Variants in LAPTM4B observed in about 807,000 individuals in gnomAD.
LAPTM4B encodes the protein lysosomal-associated transmembrane protein 4B.
LAPTM4B carries 26 observed loss-of-function variants against 28.5 expected under a neutral mutation model. The observed-to-expected ratio is 0.91, with a 90% CI of 0.67 to 1.27. The LOEUF (loss-of-function observed/expected upper bound fraction) is 1.27. Ranked by LOEUF, LAPTM4B falls within the 50% of genes most tolerant of loss-of-function variation. The pLI, the probability that LAPTM4B is intolerant of heterozygous loss-of-function variation, is 0.00. For synonymous variants in LAPTM4B, 109 were observed against 106.4 expected (o/e 1.02, Z -0.15); for missense variants, 288 against 285.8 (o/e 1.01, Z -0.06).
chr8:97,801,562 A>G (rs1816679700), intron 1 of LAPTM4B, among the ~76,000 whole-genome samples: 1 of 152,154 alleles, frequency 6.6e-6, no homozygotes, highest in African/African-American at 2.4e-5. Context: ...CTCAAAAATA[A>G]GAGTATAGAA....
chr8:97,819,756 A>G (rs1335279297), intron 5 of LAPTM4B, among the ~76,000 whole-genome samples: 2 of 100,326 alleles, frequency 2.0e-5, no homozygotes, highest in African/African-American at 8.0e-5. Flanking sequence ...TTTTTTTGAG[A>G]TGGAGTCTCG....
At chr8:97,784,133 C>G (rs1054650387) in intron 1 of LAPTM4B, among the ~76,000 whole-genome samples, 13 of 152,176 alleles carry the variant, frequency 8.5e-5, no homozygotes, top group Middle Eastern at 3.4e-3. Flanking sequence ...CACATTTGTT[C>G]TTATTTAGAC....
chr8:97,805,582 C>G, intron 2 of LAPTM4B, 118 bp downstream of exon 2: 1 of 673,880 alleles, frequency 1.5e-6, no homozygotes, highest in Non-Finnish European at 2.7e-6. Context: ...CTTGTCATTG[C>G]AAATCAACGA....
chr8:97,805,485 T>A, intron 2 of LAPTM4B, 21 bp downstream of exon 2: 1 of 1,318,172 alleles, frequency 7.6e-7, no homozygotes, highest in Non-Finnish European at 1.1e-6. Flanking sequence ...GATATTTGGG[T>A]ATTTTCAAGG....
At chr8:97,820,217 G>A (rs1294564114) in intron 5 of LAPTM4B, among the ~76,000 whole-genome samples, 1 of 150,904 alleles carries the variant, frequency 6.6e-6, no homozygotes, top group African/African-American at 2.4e-5. Flanking sequence ...ATTATAACTT[G>A]TGCTTATGAG....
chr8:97,794,556 T>G (rs1445328094), intron 1 of LAPTM4B, among the ~76,000 whole-genome samples: 2 of 151,894 alleles, frequency 1.3e-5, no homozygotes, highest in African/African-American at 2.4e-5. Context: ...ATTTACCATA[T>G]TTATTTGAAT....
chr8:97,787,378 C>T (rs1192819244), intron 1 of LAPTM4B, among the ~76,000 whole-genome samples: 1 of 151,408 alleles, frequency 6.6e-6, no homozygotes, highest in East Asian at 1.9e-4. Context: ...CTCCGCCTCC[C>T]AGGTTCACGC....
intron 6 of LAPTM4B, among the ~76,000 whole-genome samples, chr8:97,844,913 T>G (rs1351633184): frequency 1.3e-5 from 2 of 152,222 alleles, no homozygotes; most frequent in Non-Finnish European, 2.9e-5. Context: ...ATTTTTAAAA[T>G]GTTGCTTTTA....
chr8:97,807,253 C>T (rs987350164), intron 2 of LAPTM4B, among the ~76,000 whole-genome samples: 1 of 152,094 alleles, frequency 6.6e-6, no homozygotes, highest in Non-Finnish European at 1.5e-5. Flanking sequence ...GACTTTATAA[C>T]CACATGATTT....
At chr8:97,790,667 A>G (rs1360959846) in intron 1 of LAPTM4B, among the ~76,000 whole-genome samples, 1 of 151,930 alleles carries the variant, frequency 6.6e-6, no homozygotes, top group Non-Finnish European at 1.5e-5. Flanking sequence ...GGTAGTCTCA[A>G]ACTCCTGATC....
intron 2 of LAPTM4B, among the ~76,000 whole-genome samples, chr8:97,811,242 A>G (rs1014512163): frequency 6.6e-6 from 1 of 152,184 alleles, no homozygotes; most frequent in Admixed American, 6.5e-5. Context: ...ACTCCTTGAT[A>G]TACGTACACT....
chr8:97,839,215 A>G (rs1404415691), intron 6 of LAPTM4B, among the ~76,000 whole-genome samples: 1 of 152,016 alleles, frequency 6.6e-6, no homozygotes, highest in Non-Finnish European at 1.5e-5. Flanking sequence ...TTTTGGTGAG[A>G]TGGAGTTTTA....
At chr8:97,798,645 A>T (rs999280079) in intron 1 of LAPTM4B, among the ~76,000 whole-genome samples, 3 of 152,104 alleles carry the variant, frequency 2.0e-5, no homozygotes, top group African/African-American at 7.2e-5. Flanking sequence ...TTTAGGACCC[A>T]GGACCCACTC....
chr8:97,792,333 A>G (rs1268342101), intron 1 of LAPTM4B, among the ~76,000 whole-genome samples: 1 of 151,958 alleles, frequency 6.6e-6, no homozygotes, highest in African/African-American at 2.4e-5. Context: ...TCCACTCACT[A>G]CATCCTTGAC....
chr8:97,791,107 G>T (rs912168451), intron 1 of LAPTM4B, among the ~76,000 whole-genome samples: 4 of 151,976 alleles, frequency 2.6e-5, no homozygotes, highest in Admixed American at 2.0e-4. Context: ...GGTCTTGCTT[G>T]TTTGCCCAGT....
At chr8:97,795,617 C>A (rs1044582138) in intron 1 of LAPTM4B, among the ~76,000 whole-genome samples, 9 of 151,982 alleles carry the variant, frequency 5.9e-5, no homozygotes, top group Non-Finnish European at 1.2e-4. Flanking sequence ...TCTTGGGGGG[C>A]TGAGGTGGGT....
At chr8:97,829,976 T>C (rs2513963) in intron 6 of LAPTM4B, among the ~76,000 whole-genome samples, 71,431 of 151,926 alleles carry the variant, frequency 0.47, 17,067 homozygotes, top group East Asian at 0.57. Flanking sequence ...ATTACAGGCA[T>C]GAGCCACCGC....
intron 1 of LAPTM4B, among the ~76,000 whole-genome samples, chr8:97,781,937 A>G (rs1282432989): frequency 6.6e-6 from 1 of 151,134 alleles, no homozygotes; most frequent in Non-Finnish European, 1.5e-5. Flanking sequence ...TGGGGCTATT[A>G]TAAATAAAGC....
intron 1 of LAPTM4B, among the ~76,000 whole-genome samples, chr8:97,794,629 G>A (rs1816552874): frequency 6.6e-6 from 1 of 152,186 alleles, no homozygotes; most frequent in Non-Finnish European, 1.5e-5. Context: ...GTGAGAGTCT[G>A]ATTGAAACTT....
Sources: gnomAD v4.1 joint callset for allele counts (sites outside exome capture counted in the v4.1 genomes callset) on GRCh38, gnomAD v4.1.1 for gene constraint, MANE v1.5 for transcripts, NCBI Gene and HGNC (gene_info 2026-07-23, HGNC 2026-07-21) for gene names.